The following UGT2B7 variants were observed in gnomAD, a reference collection of about 807,000 sequenced individuals.
UGT2B7 encodes the protein UDP-glucuronosyltransferase 2B7.
In UGT2B7, 51 loss-of-function variants were observed where a neutral mutation model predicts 51.9. The ratio of observed to expected loss-of-function variants is 0.98; its 90% CI spans 0.78 to 1.24. The LOEUF is 1.24. Among genes scored for constraint, UGT2B7 ranks in the 50% most tolerant of loss-of-function variants. The pLI, the probability that UGT2B7 is intolerant of heterozygous loss-of-function variation, is 0.00. For synonymous variants in UGT2B7, 225 were observed against 211.6 expected, an observed-to-expected ratio of 1.06 and a Z score of -0.55; for missense variants, 727 against 628.4, an observed-to-expected ratio of 1.16 and a Z score of -1.68.
At chr4:69,053,848 A>G (rs764281733) in intron 1 of UGT2B7, among the ~76,000 whole-genome samples, 3 of 152,160 alleles carry the variant, frequency 2.0e-5, no homozygotes, top group Non-Finnish European at 4.4e-5. Context: ...GAATAAGTAG[A>G]GTGGCACTTG....
chr4:69,074,427 A>AATATATATATAT (rs143693621), intron 1 of UGT2B7, among the ~76,000 whole-genome samples: 5,641 of 115,820 alleles, frequency 0.049, 134 homozygotes, highest in Non-Finnish European at 0.059. Flanking sequence ...CCTTATCTTA[A>AATATATATATAT]ATATATATAT....
At chr4:69,107,339 CT>C in intron 4 of UGT2B7, 77 bp downstream of exon 4, 1 of 1,418,318 alleles carries the variant, frequency 7.1e-7, no homozygotes, top group Non-Finnish European at 9.6e-7. Context: ...ATGAAACAAG[CT>C]TATTGAATAT....
chr4:69,064,096 G>GAAAGAAAGAAAGAAAGAGAA (rs1257880397), intron 1 of UGT2B7, among the ~76,000 whole-genome samples: 1 of 75,730 alleles, frequency 1.3e-5, no homozygotes, highest in Non-Finnish European at 2.5e-5. Flanking sequence ...AAGAAAGAAA[G>GAAAGAAAGAAAGAAAGAGAA]AGAAAGAAAG....
At chr4:69,097,801 G>A (rs901948228) in intron 1 of UGT2B7, among the ~76,000 whole-genome samples, 7 of 151,950 alleles carry the variant, frequency 4.6e-5, no homozygotes, top group African/African-American at 1.7e-4. Flanking sequence ...ACTCTTTCAC[G>A]AAAGAATTGG....
chr4:69,077,636 C>G (rs1478695820), intron 1 of UGT2B7, among the ~76,000 whole-genome samples: 1 of 151,558 alleles, frequency 6.6e-6, no homozygotes, highest in Non-Finnish European at 1.5e-5. Flanking sequence ...GACTTCGTAT[C>G]CTGAGACTTT....
intron 1 of UGT2B7, among the ~76,000 whole-genome samples, chr4:69,097,619 A>G (rs1236965503): frequency 2.6e-5 from 4 of 152,076 alleles, no homozygotes; most frequent in Non-Finnish European, 5.9e-5. Flanking sequence ...TTTTTCTACA[A>G]CTATCTATAT....
chr4:69,070,850 T>C (rs1338571462), intron 1 of UGT2B7, among the ~76,000 whole-genome samples: 1 of 152,060 alleles, frequency 6.6e-6, no homozygotes, highest in Non-Finnish European at 1.5e-5. Context: ...CCAACTCTCT[T>C]AGCGTGGCGT....
intron 3 of UGT2B7, among the ~76,000 whole-genome samples, chr4:69,104,220 G>T (rs1240254175): frequency 6.6e-6 from 1 of 152,146 alleles, no homozygotes; most frequent in African/African-American, 2.4e-5. Flanking sequence ...CTGGGAGGCA[G>T]AGGTTGCAGT....
chr4:69,105,716 C>A (rs1719574181), intron 3 of UGT2B7, among the ~76,000 whole-genome samples: 1 of 152,068 alleles, frequency 6.6e-6, no homozygotes, highest in Non-Finnish European at 1.5e-5. Context: ...TCAAAAATAA[C>A]CACCTGAAAT....
At chr4:69,101,208 T>C (rs34630750) in intron 2 of UGT2B7, among the ~76,000 whole-genome samples, 87,595 of 151,812 alleles carry the variant, frequency 0.58, 26,275 homozygotes, top group African/African-American at 0.71. Flanking sequence ...AATGTATACA[T>C]AATAAGATTA....
At chr4:69,063,188 G>A (rs1003078699) in intron 1 of UGT2B7, among the ~76,000 whole-genome samples, 21 of 150,280 alleles carry the variant, frequency 1.4e-4, no homozygotes, top group African/African-American at 7.3e-5. Flanking sequence ...GCGTAGTGGC[G>A]GGCGCCTGTA....
intron 1 of UGT2B7, among the ~76,000 whole-genome samples, chr4:69,072,357 T>G (rs1256389335): frequency 1.3e-5 from 2 of 152,170 alleles, no homozygotes; most frequent in Non-Finnish European, 2.9e-5. Context: ...ATTTTGAATA[T>G]GCTGCTTAAA....
At chr4:69,062,409 CTA>C (rs1322756579) in intron 1 of UGT2B7, among the ~76,000 whole-genome samples, 8 of 152,300 alleles carry the variant, frequency 5.3e-5, no homozygotes, top group African/African-American at 1.9e-4. Context: ...GAAAGAATGC[CTA>C]TAAGTCTGGC....
chr4:69,075,383 A>G (rs562995762), intron 1 of UGT2B7, among the ~76,000 whole-genome samples: 1 of 152,098 alleles, frequency 6.6e-6, no homozygotes, highest in East Asian at 1.9e-4. Flanking sequence ...TTCTACTTAT[A>G]CCTTTTCCTC....
At position 69,107,254 on chromosome 4, in the gene UGT2B7, A is replaced by T; in HGVS notation, c.1082A>T (p.Asp361Val). Residue 361 changes from aspartate (D) to valine (V), a missense_variant, in exon 4 of 6, where the codon GAC becomes GTC. Physicochemically the swap from Asp to Val is radical, Grantham distance 152. Coordinates refer to ENST00000305231, the MANE Select transcript of UGT2B7 (RefSeq NM_001074.4). ...CTCTACAAGTGGATACCCCAGAATG[A>T]CCTTCTAGGTAAGACTCTGGTGAAC... ...TRLYKWIPQNDLLGHPKTRAF... is the reference protein window; with the variant it reads ...TRLYKWIPQNVLLGHPKTRAF... The T allele has an allele frequency of 1.2e-6, 2 of 1,607,364 alleles. No homozygotes were observed. Among genetic ancestry groups the T allele is most frequent in the South Asian group, 1.1e-5 (1 of 90,420 alleles).
chr4:69,109,109 A>G (rs77187366), intron 5 of UGT2B7, among the ~76,000 whole-genome samples: 1,578 of 151,120 alleles, frequency 0.01, 29 homozygotes, highest in African/African-American at 0.036. Context: ...TTTTTATAGC[A>G]GTTTAATATT....
intron 1 of UGT2B7, among the ~76,000 whole-genome samples, chr4:69,057,350 G>A (rs528868793): frequency 2.0e-4 from 31 of 151,850 alleles, no homozygotes; most frequent in African/African-American, 6.5e-4. Flanking sequence ...ACACACACAC[G>A]CACACTTGCA....
At chr4:69,077,688 C>A (rs1018011266) in intron 1 of UGT2B7, among the ~76,000 whole-genome samples, 2 of 152,042 alleles carry the variant, frequency 1.3e-5, no homozygotes, top group African/African-American at 4.8e-5. Flanking sequence ...GGGGCTGAGA[C>A]AGTGGGGTTT....
chr4:69,077,078 A>G (rs754159299), intron 1 of UGT2B7, among the ~76,000 whole-genome samples: 13 of 152,114 alleles, frequency 8.5e-5, no homozygotes, highest in Non-Finnish European at 1.3e-4. Context: ...TTTGTCAAAG[A>G]TCAGGTGGTT....
Sources: allele counts gnomAD v4.1 joint callset (sites outside exome capture counted in the v4.1 genomes callset), GRCh38; gene constraint gnomAD v4.1.1; transcripts MANE v1.5; gene names NCBI Gene and HGNC (gene_info 2026-07-23, HGNC 2026-07-21).